Variants in UGGT2 observed in about 807,000 individuals in gnomAD.
UGGT2 encodes the protein UDP-glucose:glycoprotein glucosyltransferase 2.
A neutral mutation model predicts 192.1 loss-of-function variants in UGGT2; 180 were observed. The observed-to-expected ratio is 0.94, with a 90% CI of 0.83 to 1.06. The LOEUF is 1.06. Among genes scored for constraint, UGGT2 ranks in the 50% least tolerant of loss-of-function variants. The pLI is 0.00. For missense variants in UGGT2, 1,849 were observed against 1,795.7 expected (o/e 1.03, Z -0.54); for synonymous variants, 580 against 591.0 (o/e 0.98, Z 0.27).
chr13:95,855,617 G>T (rs1889530791), intron 34 of UGGT2, among the ~76,000 whole-genome samples: 2 of 151,420 alleles, frequency 1.3e-5, no homozygotes, highest in South Asian at 4.2e-4. Context: ...CTAACTCCTG[G>T]GCTCAAACTT....
rs1261799005 is a variant in UGGT2, at chr13:95,863,638, G to A, written c.3635C>T (p.Ser1212Phe). 11 of 1,608,182 alleles carry A rather than the reference G, an allele frequency of 6.8e-6. No individual in the cohort carries two copies. The East Asian group carries it at 8.9e-5, about 13-fold the overall frequency. Residue 1212 changes from serine (S) to phenylalanine (F), a missense_variant, in exon 31 of 39, where the codon TCC (serine) becomes TTC (phenylalanine). Coordinates refer to ENST00000376747, the MANE Select transcript of UGGT2 (RefSeq NM_020121.4). ...ATTCATTAGTAATTACCTTTTAATG[G>A]AATCCCACAGTCCTTTTGTTTTTTC... ...EDEKTKGLWDSIKSFTVSLHK... is the reference protein window; with the variant it reads ...EDEKTKGLWDFIKSFTVSLHK...
At chr13:95,834,670 G>A (rs1594104639) in intron 37 of UGGT2, among the ~76,000 whole-genome samples, 1 of 152,216 alleles carries the variant, frequency 6.6e-6, no homozygotes, top group South Asian at 2.1e-4. Flanking sequence ...AGGGAGACGG[G>A]CTGAACACCA....
chr13:95,967,312 C>A (rs967309428), intron 12 of UGGT2, among the ~76,000 whole-genome samples: 1 of 151,732 alleles, frequency 6.6e-6, no homozygotes, highest in African/African-American at 2.4e-5. Flanking sequence ...ACCACCACAC[C>A]CAGCTAATTT....
intron 33 of UGGT2, among the ~76,000 whole-genome samples, chr13:95,858,161 T>C (rs1329065978): frequency 2.6e-5 from 4 of 152,038 alleles, no homozygotes; most frequent in South Asian, 4.2e-4. Context: ...AGGCCTATGC[T>C]ATAAAGGATG....
intron 2 of UGGT2, among the ~76,000 whole-genome samples, chr13:96,031,566 T>C (rs2052835850): frequency 6.6e-6 from 1 of 152,220 alleles, no homozygotes; most frequent in African/African-American, 2.4e-5. Flanking sequence ...GTCAATCCTC[T>C]GGCCTTGGGC....
chr13:95,819,134 C>T (rs1307114291), intron 38 of UGGT2, among the ~76,000 whole-genome samples: 1 of 152,100 alleles, frequency 6.6e-6, no homozygotes, highest in East Asian at 1.9e-4. Flanking sequence ...ACTTAAGATT[C>T]CAAGATGAGC....
chr13:95,956,848 A>G (rs930703052), intron 12 of UGGT2, among the ~76,000 whole-genome samples: 9 of 152,256 alleles, frequency 5.9e-5, no homozygotes, highest in African/African-American at 1.7e-4. Context: ...AAGAACTGAA[A>G]GCAGAGATTC....
intron 24 of UGGT2, among the ~76,000 whole-genome samples, chr13:95,892,848 T>C (rs541354547): frequency 6.6e-6 from 1 of 152,272 alleles, no homozygotes; most frequent in African/African-American, 2.4e-5. Context: ...CATGGTATGC[T>C]CATGACAGGA....
intron 38 of UGGT2, among the ~76,000 whole-genome samples, chr13:95,827,818 G>T (rs1886203261): frequency 6.6e-6 from 1 of 152,082 alleles, no homozygotes; most frequent in Non-Finnish European, 1.5e-5. Context: ...TCTTGTGGAT[G>T]GGATTTCTGA....
In UGGT2 at chr13:95,856,319, T is replaced by C. The variant is rs1301178738; in HGVS notation, c.3847A>G (p.Lys1283Glu). 3 of 1,606,832 alleles carry C rather than the reference T, an allele frequency of 1.9e-6. No homozygotes were observed. Among genetic ancestry groups the C allele is most frequent in the Middle Eastern group, 3.3e-4 (2 of 6,028 alleles). The part of the protein sequence containing the change: ...TFKEVIPHMA[K>E]EYGFRYELVQ... ...AGTTCATATCGGAATCCATACTCTTTAGCCATGTGAGGAATTACTTCCTAA... is the reference window on the plus strand; with the variant it reads ...AGTTCATATCGGAATCCATACTCTTCAGCCATGTGAGGAATTACTTCCTAA... The change falls in exon 34 of 39, where the codon AAA becomes GAA. Residue 1283 changes from lysine (K) to glutamate (E), a missense_variant. Coordinates refer to ENST00000376747, the MANE Select transcript of UGGT2 (RefSeq NM_020121.4).
intron 5 of UGGT2, among the ~76,000 whole-genome samples, chr13:96,008,419 T>C (rs574560963): frequency 1.3e-5 from 2 of 152,174 alleles, no homozygotes; most frequent in South Asian, 2.1e-4. Flanking sequence ...GGCATCCAAA[T>C]AGGGAAAGAG....
At chr13:96,030,541 C>T (rs2052802362) in intron 2 of UGGT2, among the ~76,000 whole-genome samples, 1 of 152,200 alleles carries the variant, frequency 6.6e-6, no homozygotes, top group African/African-American at 2.4e-5. Context: ...TGTGAAATCA[C>T]AAAATCACTG....
At position 95,959,941 on chromosome 13, in the gene UGGT2, C is replaced by A. The variant is rs183930055; in HGVS notation, c.1335+10171G>T. ...GTCCCACATTTCAGCAAAACTTCAT[C>A]ACAGCCTCCACTAGCAACTGTGCTA... On this transcript the variant is annotated intron_variant, in intron 12 of 38. Transcript: ENST00000376747. Among the ~76,000 whole-genome samples the A allele has an allele frequency of 2.4e-4, 37 of 152,306 alleles. No homozygotes were observed. The East Asian group carries it at 7.2e-3, about 29-fold the overall frequency.
intron 20 of UGGT2, among the ~76,000 whole-genome samples, chr13:95,920,956 A>G (rs542401687): frequency 1.3e-5 from 2 of 152,332 alleles, no homozygotes; most frequent in East Asian, 1.9e-4. Flanking sequence ...ATGCCCATCA[A>G]TGATAGACTG....
intron 27 of UGGT2, among the ~76,000 whole-genome samples, chr13:95,882,469 CCTTT>C (rs2047522586): frequency 6.6e-6 from 1 of 152,154 alleles, no homozygotes; most frequent in African/African-American, 2.4e-5. Flanking sequence ...ATCTAAAAAT[CCTTT>C]CTACTATACC....
At chr13:95,958,208 G>A (rs771298797) in intron 12 of UGGT2, among the ~76,000 whole-genome samples, 3 of 151,828 alleles carry the variant, frequency 2.0e-5, no homozygotes, top group Non-Finnish European at 4.4e-5. Flanking sequence ...CTGGAATGCA[G>A]TGGCACGATC....
intron 23 of UGGT2, 114 bp downstream of exon 23, chr13:95,895,066 G>T: frequency 9.4e-7 from 1 of 1,062,544 alleles, no homozygotes; most frequent in Non-Finnish European, 1.3e-6. Context: ...CTTTATATAT[G>T]TCTTTTATTA....
chr13:96,039,599 C>A (rs1468639933), intron 1 of UGGT2, among the ~76,000 whole-genome samples: 1 of 152,202 alleles, frequency 6.6e-6, no homozygotes, highest in Non-Finnish European at 1.5e-5. Flanking sequence ...CTGAGAACCT[C>A]CAAAATCATC....
chr13:96,048,589 A>C (rs1397299844), intron 1 of UGGT2, among the ~76,000 whole-genome samples: 1 of 152,220 alleles, frequency 6.6e-6, no homozygotes, highest in Non-Finnish European at 1.5e-5. Context: ...ATAGACCGCT[A>C]GCAAGACTAA....
Sources: gnomAD v4.1 joint callset for allele counts (sites outside exome capture counted in the v4.1 genomes callset) on GRCh38, gnomAD v4.1.1 for gene constraint, MANE v1.5 for transcripts, NCBI Gene and HGNC (gene_info 2026-07-23, HGNC 2026-07-21) for gene names.